SMYD3: variants seen among roughly 807,000 people sequenced by gnomAD.
SMYD3 encodes histone-lysine N-methyltransferase SMYD3.
Under a neutral mutation model 57.7 loss-of-function variants are expected in SMYD3, and 36 were observed. That is an observed-to-expected ratio of 0.62 (90% CI 0.48 to 0.82). SMYD3 has a LOEUF of 0.82. SMYD3 is among the 40% of genes least tolerant of loss of function. The probability of loss-of-function intolerance (pLI) is 0.00; values close to 1 mark genes in which losing one functional copy is unlikely to be tolerated. For missense variants in SMYD3, 515 were observed against 538.8 expected (o/e 0.96, Z 0.44); for synonymous variants, 211 against 195.0 (o/e 1.08, Z -0.68).
At chr1:245,989,691 C>G (rs943840003) in intron 5 of SMYD3, among the ~76,000 whole-genome samples, 1 of 152,254 alleles carries the variant, frequency 6.6e-6, no homozygotes, top group Admixed American at 6.5e-5. Context: ...TCTTGCACTG[C>G]TGATTTCCAA....
At chr1:246,495,348 CA>C (rs11329443) in intron 1 of SMYD3, among the ~76,000 whole-genome samples, 18,581 of 57,164 alleles carry the variant, frequency 0.33, 733 homozygotes, top group East Asian at 0.49. Context: ...GACTCCGTCT[CA>C]AAAAAAAAAA....
chr1:246,082,034 T>C (rs973738200), intron 5 of SMYD3, among the ~76,000 whole-genome samples: 2 of 152,220 alleles, frequency 1.3e-5, no homozygotes. Flanking sequence ...ACTAACTTTA[T>C]CTTGCTTCTA....
intron 1 of SMYD3, among the ~76,000 whole-genome samples, chr1:246,460,566 T>C (rs2067783277): frequency 6.6e-6 from 1 of 152,234 alleles, no homozygotes; most frequent in Non-Finnish European, 1.5e-5. Context: ...CTGTGGGTCA[T>C]GAACAAAGGA....
At chr1:245,778,421 G>A (rs761479102) in intron 10 of SMYD3, among the ~76,000 whole-genome samples, 1 of 152,128 alleles carries the variant, frequency 6.6e-6, no homozygotes, top group Admixed American at 6.6e-5. Flanking sequence ...ATTCAATGGA[G>A]TAAGGATGGC....
rs111699160 is a variant in SMYD3, at chr1:246,261,042, T to TTTGTTG, written c.531+66153_531+66158dup. ...GGCTGGAAGTCATCTCTTTCTGGGT[T>TTTGTTG]TTGTTGTTGTTGTTGTTGTTGTTGT... On this transcript the variant is annotated intron_variant, in intron 5 of 11. Transcript: ENST00000490107. 6.0e-3 allele frequency among the ~76,000 whole-genome samples: 650 copies of TTTGTTG among 107,580 alleles called. 3 individuals are homozygous for TTTGTTG. Among genetic ancestry groups the TTTGTTG allele is most frequent in the Non-Finnish European group, 8.5e-3 (424 of 49,956 alleles). 70.6% of individuals were successfully genotyped at this position (107,580 alleles called of 152,430 possible). A position where few individuals can be genotyped will look rare whatever the true frequency, so the allele number is the denominator to read the frequency against.
chr1:246,313,902 A>G (rs2065117952), intron 5 of SMYD3, among the ~76,000 whole-genome samples: 1 of 152,208 alleles, frequency 6.6e-6, no homozygotes. Context: ...AAAATGATAA[A>G]GACTCAATCT....
chr1:245,810,874 C>T (rs973249495), intron 10 of SMYD3, among the ~76,000 whole-genome samples: 1 of 152,200 alleles, frequency 6.6e-6, no homozygotes, highest in South Asian at 2.1e-4. Context: ...GGAGGGAGTG[C>T]AGTCTCCACA....
chr1:245,866,014 C>T (rs967451294), intron 8 of SMYD3, among the ~76,000 whole-genome samples: 20 of 152,110 alleles, frequency 1.3e-4, no homozygotes, highest in Admixed American at 1.0e-3. Flanking sequence ...GGGTGAGGAA[C>T]GAGGGACATT....
intron 10 of SMYD3, among the ~76,000 whole-genome samples, chr1:245,786,690 C>A (rs74411429): frequency 2.0e-5 from 3 of 150,394 alleles, no homozygotes; most frequent in Non-Finnish European, 4.4e-5. Context: ...GGAGTTCACA[C>A]GTGAAGCCTA....
chr1:246,267,463 G>A (rs76848871), intron 5 of SMYD3, among the ~76,000 whole-genome samples: 8,876 of 152,190 alleles, frequency 0.058, 410 homozygotes, highest in African/African-American at 0.12. Context: ...AATTTCATAT[G>A]AACACTTTGG....
chr1:246,266,783 GA>G (rs1448402702), intron 5 of SMYD3, among the ~76,000 whole-genome samples: 1 of 146,246 alleles, frequency 6.8e-6, no homozygotes, highest in Non-Finnish European at 1.5e-5. Context: ...AAGAAAGACA[GA>G]AAGAAAGAGA....
At chr1:245,892,519 T>C (rs907483585) in intron 8 of SMYD3, among the ~76,000 whole-genome samples, 11 of 152,216 alleles carry the variant, frequency 7.2e-5, no homozygotes, top group African/African-American at 2.7e-4. Flanking sequence ...CTTTCCACCG[T>C]ATCAAGCTGT....
chr1:245,867,695 C>CACACACAT, intron 8 of SMYD3, among the ~76,000 whole-genome samples: 1 of 151,992 alleles, frequency 6.6e-6, no homozygotes, highest in South Asian at 2.1e-4. Context: ...CACACTCACA[C>CACACACAT]ACACATTTTG....
chr1:246,500,471 T>C (rs1572062022), intron 1 of SMYD3, among the ~76,000 whole-genome samples: 1 of 152,076 alleles, frequency 6.6e-6, no homozygotes, highest in Non-Finnish European at 1.5e-5. Flanking sequence ...GGAAGACAAA[T>C]CCAAGTACAG....
intron 7 of SMYD3, among the ~76,000 whole-genome samples, chr1:245,917,225 T>C (rs2055498810): frequency 6.6e-6 from 1 of 151,976 alleles, no homozygotes; most frequent in South Asian, 2.1e-4. Context: ...AGAGATGGAG[T>C]TTCGCCATGC....
intron 10 of SMYD3, among the ~76,000 whole-genome samples, chr1:245,833,073 A>AAAAACAAAAAAAAAAAAAACACAAC: frequency 7.8e-6 from 1 of 128,652 alleles, no homozygotes; most frequent in Non-Finnish European, 1.6e-5. Flanking sequence ...AAAAAAAAAA[A>AAAAACAAAAAAAAAAAAAACACAAC]AACCTGCTTT....
intron 5 of SMYD3, among the ~76,000 whole-genome samples, chr1:246,315,861 G>A (rs867540976): frequency 1.3e-5 from 2 of 152,062 alleles, no homozygotes; most frequent in African/African-American, 2.4e-5. Flanking sequence ...CCCCAAACTC[G>A]CCTGCTTACC....
At chr1:245,753,024 C>A (rs1473067743) in intron 11 of SMYD3, among the ~76,000 whole-genome samples, 1 of 152,118 alleles carries the variant, frequency 6.6e-6, no homozygotes, top group Non-Finnish European at 1.5e-5. Context: ...GCAGAGATAC[C>A]CTGAGGGGAC....
chr1:245,930,130 G>T, intron 5 of SMYD3, 193 bp from the exon 6 acceptor site: 1 of 609,106 alleles, frequency 1.6e-6, no homozygotes, highest in Non-Finnish European at 3.1e-6. Flanking sequence ...AAAACATCAG[G>T]TGGTTAAGTG....
Sources: gnomAD v4.1 joint callset for allele counts (sites outside exome capture counted in the v4.1 genomes callset) on GRCh38, gnomAD v4.1.1 for gene constraint, MANE v1.5 for transcripts, NCBI Gene and HGNC (gene_info 2026-07-23, HGNC 2026-07-21) for gene names.